The following MLLT10 variants were observed in gnomAD, a reference collection of about 807,000 sequenced individuals.
The protein encoded by MLLT10 is MLLT10 histone lysine methyltransferase DOT1L cofactor.
Under a neutral mutation model 129.1 loss-of-function variants are expected in MLLT10, and 30 were observed. The observed-to-expected ratio is 0.23, with a 90% CI of 0.17 to 0.32. The LOEUF (loss-of-function observed/expected upper bound fraction) is 0.32. Ranked by LOEUF, MLLT10 falls within the 10% of genes least tolerant of loss-of-function variation. The pLI, the probability that MLLT10 is intolerant of heterozygous loss-of-function variation, is 1.00. For missense variants in MLLT10, 1,119 were observed against 1,268.3 expected (o/e 0.88, Z 1.79); for synonymous variants, 490 against 446.4 (o/e 1.10, Z -1.23).
At chr10:21,641,649 A>G (rs2048013452) in intron 8 of MLLT10, among the ~76,000 whole-genome samples, 1 of 152,052 alleles carries the variant, frequency 6.6e-6, no homozygotes, top group Non-Finnish European at 1.5e-5. Flanking sequence ...AATGAGACCA[A>G]AAAAACTTTT....
intron 9 of MLLT10, among the ~76,000 whole-genome samples, chr10:21,658,786 C>A (rs113543917): frequency 1.3e-3 from 202 of 152,218 alleles, no homozygotes; most frequent in Non-Finnish European, 1.7e-3. Flanking sequence ...GCCTCAGCCT[C>A]CCGAGTAACT....
chr10:21,571,420 G>C lies in MLLT10; in HGVS notation c.241-14874G>C, dbSNP rs114535422. 3.8e-3 allele frequency among the ~76,000 whole-genome samples: 579 copies of C among 152,300 alleles called. 5 individuals carry two copies. The highest frequency in any genetic ancestry group is 0.013 in the African/African-American group (546 of 41,554). ...CAGCTTCATTTCCTCAACTTGGGGAGACTACAGGCTCTGCCTGGGTTCCTC... is the reference window on the plus strand; with the variant it reads ...CAGCTTCATTTCCTCAACTTGGGGACACTACAGGCTCTGCCTGGGTTCCTC... On this transcript the variant is annotated intron_variant, in intron 3 of 22. Transcript: ENST00000307729.
intron 21 of MLLT10, among the ~76,000 whole-genome samples, chr10:21,739,578 C>G (rs1421576977): frequency 6.6e-6 from 1 of 152,204 alleles, no homozygotes; most frequent in Non-Finnish European, 1.5e-5. Context: ...TGCCTGGCAC[C>G]TAGTAAGCAC....
At chr10:21,712,657 C>T (rs1167503378) in intron 13 of MLLT10, among the ~76,000 whole-genome samples, 1 of 152,172 alleles carries the variant, frequency 6.6e-6, no homozygotes, top group African/African-American at 2.4e-5. Flanking sequence ...ACACTATTAA[C>T]ACTATGGGCC....
At chr10:21,591,980 TAA>T (rs1383213710) in intron 4 of MLLT10, among the ~76,000 whole-genome samples, 1 of 152,192 alleles carries the variant, frequency 6.6e-6, no homozygotes, top group Non-Finnish European at 1.5e-5. Context: ...CTTGGCTATC[TAA>T]AGTGTTGGGA....
At chr10:21,670,930 G>A in intron 10 of MLLT10, 1 of 450,598 alleles carries the variant, frequency 2.2e-6, no homozygotes, top group Non-Finnish European at 3.8e-6. Flanking sequence ...TTCCAGAGTT[G>A]AATTGTAATT....
intron 14 of MLLT10, among the ~76,000 whole-genome samples, chr10:21,717,586 C>CTCT (rs1166606640): frequency 8.4e-6 from 1 of 118,998 alleles, no homozygotes; most frequent in African/African-American, 3.1e-5. Context: ...TTCTTTCTTC[C>CTCT]TCTTCCTCTT....
intron 3 of MLLT10, chr10:21,557,159 A>G: frequency 3.0e-6 from 4 of 1,351,278 alleles, no homozygotes; most frequent in Non-Finnish European, 3.8e-6. Flanking sequence ...TCCTGAAAAA[A>G]TAAAACTAGT....
chr10:21,649,498 G>A (rs2048816725), intron 8 of MLLT10, among the ~76,000 whole-genome samples: 1 of 152,194 alleles, frequency 6.6e-6, no homozygotes, highest in Non-Finnish European at 1.5e-5. Context: ...ATTAAGCGGT[G>A]GGCTCAGCAG....
chr10:21,711,565 C>T (rs1054501536), intron 13 of MLLT10, among the ~76,000 whole-genome samples: 5 of 144,640 alleles, frequency 3.5e-5, no homozygotes, highest in African/African-American at 1.0e-4. Context: ...CTTAACCCAC[C>T]GACCCCACAA....
chr10:21,584,189 G>C (rs1213441452), intron 3 of MLLT10, among the ~76,000 whole-genome samples: 6 of 110,196 alleles, frequency 5.4e-5, no homozygotes, highest in Non-Finnish European at 1.1e-4. Context: ...TTGAGATGGA[G>C]TTTTGCTCTT....
chr10:21,567,179 A>G (rs1326050712), intron 3 of MLLT10, among the ~76,000 whole-genome samples: 2 of 152,084 alleles, frequency 1.3e-5, no homozygotes, highest in African/African-American at 2.4e-5. Flanking sequence ...TTGTCATGAG[A>G]CTATGCACTT....
chr10:21,673,960 C>A, intron 11 of MLLT10, 41 bp downstream of exon 11: 1 of 1,452,038 alleles, frequency 6.9e-7, no homozygotes, highest in East Asian at 2.3e-5. Flanking sequence ...TTCACTCCCA[C>A]CACCTCCCTT....
In MLLT10 at chr10:21,717,873, CCTT is replaced by C. The variant is rs1327710395; in HGVS notation, c.1878+3926_1878+3928del. On this transcript the variant is annotated intron_variant, in intron 14 of 22. Transcript: ENST00000307729. ...TCCTTCTCCTCCTCCTTCTCCTCCT[CCTT>C]CTCCTCCTCCTTCTCCTCCTCCTCC... Among the ~76,000 whole-genome samples the C allele has an allele frequency of 9.3e-4, 136 of 145,914 alleles. 5 individuals are homozygous for C. The highest frequency in any genetic ancestry group is 3.2e-3 in the African/African-American group (121 of 37,608).
chr10:21,629,702 A>G (rs1292971038), intron 8 of MLLT10, among the ~76,000 whole-genome samples: 1 of 152,242 alleles, frequency 6.6e-6, no homozygotes, highest in East Asian at 1.9e-4. Flanking sequence ...CTTTGGATTT[A>G]GCACCAAGGA....
chr10:21,724,447 T>C (rs752280129), intron 14 of MLLT10, among the ~76,000 whole-genome samples: 1 of 152,248 alleles, frequency 6.6e-6, no homozygotes, highest in Non-Finnish European at 1.5e-5. Flanking sequence ...GTTATACATA[T>C]CCAAATGTCC....
rs1004316117 is a variant in MLLT10, at chr10:21,534,356, G to T, written c.-165G>T. On this transcript the variant is annotated 5_prime_UTR_variant, in exon 1 of 23. Coordinates refer to ENST00000307729, the MANE Select transcript of MLLT10 (RefSeq NM_001195626.3). Reference sequence around the variant, plus strand: ...TGCGGAGGCCCTCTTGATTATGTGTGCCCTCTCCGGGCGCCCGCGTTAGCG... The same window carrying T: ...TGCGGAGGCCCTCTTGATTATGTGTTCCCTCTCCGGGCGCCCGCGTTAGCG... 8.0e-6 allele frequency: 3 copies of T among 375,162 alleles called. No individual in the cohort carries two copies. Among genetic ancestry groups the T allele is most frequent in the African/African-American group, 4.2e-5 (2 of 47,100 alleles). 23.2% of individuals were successfully genotyped at this position (375,162 alleles called of 1,614,324 possible).
chr10:21,637,396 C>T (rs1326667159), intron 8 of MLLT10, among the ~76,000 whole-genome samples: 1 of 152,118 alleles, frequency 6.6e-6, no homozygotes, highest in African/African-American at 2.4e-5. Context: ...GCCTGTTTTT[C>T]GATGGTGGGA....
At chr10:21,645,594 T>G (rs538222986) in intron 8 of MLLT10, among the ~76,000 whole-genome samples, 1 of 152,220 alleles carries the variant, frequency 6.6e-6, no homozygotes, top group South Asian at 2.1e-4. Context: ...TGATGATTAG[T>G]GATAATGAAA....
Sources: allele counts gnomAD v4.1 joint callset (sites outside exome capture counted in the v4.1 genomes callset), GRCh38; gene constraint gnomAD v4.1.1; transcripts MANE v1.5; gene names NCBI Gene and HGNC (gene_info 2026-07-23, HGNC 2026-07-21).